Variants in CTNNA2 observed in about 807,000 individuals in gnomAD.
CTNNA2 encodes catenin alpha-2.
A neutral mutation model predicts 101.0 loss-of-function variants in CTNNA2; 42 were observed. The observed-to-expected ratio is 0.42, with a 90% CI of 0.32 to 0.54. The LOEUF (loss-of-function observed/expected upper bound fraction) is 0.54, where lower values mean the gene tolerates loss of function less well. Ranked by LOEUF, CTNNA2 falls within the 20% of genes least tolerant of loss-of-function variation. CTNNA2 has a pLI of 0.14. For missense variants in CTNNA2, 871 were observed against 1,223.1 expected (o/e 0.71, Z 4.29); for synonymous variants, 450 against 456.4 (o/e 0.99, Z 0.18).
intron 1 of CTNNA2, among the ~76,000 whole-genome samples, chr2:79,624,882 G>C (rs2104312933): frequency 6.6e-6 from 1 of 152,240 alleles, no homozygotes; most frequent in East Asian, 1.9e-4. Flanking sequence ...CTGGGCATGG[G>C]CTCAGCAATG....
At chr2:80,589,027 C>T (rs1008535088) in intron 14 of CTNNA2, among the ~76,000 whole-genome samples, 5 of 152,080 alleles carry the variant, frequency 3.3e-5, no homozygotes, top group African/African-American at 1.2e-4. Context: ...AAACATATGC[C>T]ATCAAAGCGG....
intron 1 of CTNNA2, among the ~76,000 whole-genome samples, chr2:79,625,456 T>C (rs1168608153): frequency 6.6e-6 from 1 of 152,146 alleles, no homozygotes; most frequent in Non-Finnish European, 1.5e-5. Flanking sequence ...TAGAATATAA[T>C]AGAAAAGGGC....
rs1310576716 is a variant in CTNNA2, at chr2:80,079,482, G to A, written c.1056+169685G>A. On this transcript the variant is annotated intron_variant, in intron 7 of 18. Transcript: ENST00000402739. ...GGAATACCAAGAAGAAAGAGAGATA[G>A]CCCTGCCTCTAGGAGCTCCAGGACA... Among the ~76,000 whole-genome samples the A allele has an allele frequency of 3.9e-5, 6 of 152,198 alleles. No homozygotes were observed. The South Asian group carries it at 1.2e-3, about 32-fold the overall frequency.
chr2:79,604,320 A>G (rs919536), intron 1 of CTNNA2, among the ~76,000 whole-genome samples: 98,813 of 152,026 alleles, frequency 0.65, 32,976 homozygotes, highest in Non-Finnish European at 0.73. Context: ...AATATATGAA[A>G]TCATGTTTTT....
At chr2:79,573,088 CTCT>C (rs1366790671) in intron 1 of CTNNA2, among the ~76,000 whole-genome samples, 2 of 152,118 alleles carry the variant, frequency 1.3e-5, no homozygotes, top group Non-Finnish European at 2.9e-5. Flanking sequence ...CGCTTATGAA[CTCT>C]TCATTAGCGT....
intron 7 of CTNNA2, among the ~76,000 whole-genome samples, chr2:79,968,722 T>C (rs953612516): frequency 6.6e-6 from 1 of 152,188 alleles, no homozygotes; most frequent in Non-Finnish European, 1.5e-5. Context: ...AAAATACCTG[T>C]TTGACAAAAA....
chr2:79,480,575 A>C (rs1001138659), intron 4 of CTNNA2, among the ~76,000 whole-genome samples: 1 of 152,078 alleles, frequency 6.6e-6, no homozygotes, highest in Non-Finnish European at 1.5e-5. Flanking sequence ...CATCTTCTAC[A>C]TTTGTTATCT....
At position 79,190,700 on chromosome 2, in the gene CTNNA2, C is replaced by T. The variant is rs535102875; in HGVS notation, c.-524+5269C>T. On this transcript the variant is annotated intron_variant, in intron 1 of 21. Coordinates refer to the CTNNA2 transcript ENST00000466387. ...GGAAAATGATGGCTTGACGGGGCAC[C>T]AGTGAGAGGACACAGAGAGCTACCG... Among the ~76,000 whole-genome samples the T allele has an allele frequency of 5.6e-4, 85 of 152,218 alleles. 1 individual carries two copies. Among genetic ancestry groups the T allele is most frequent in the African/African-American group, 2.0e-3 (83 of 41,548 alleles).
In CTNNA2 at chr2:79,312,008, C is replaced by T. The variant is rs532071223; in HGVS notation, c.-405-701C>T. 5.3e-5 allele frequency among the ~76,000 whole-genome samples: 8 copies of T among 152,040 alleles called. No individual in the cohort carries two copies. The South Asian group carries it at 1.0e-3, about 20-fold the overall frequency. The stretch of plus-strand genomic sequence containing the variant: ...ACCTTGAATTCCTGCTCAACAGATC[C>T]TTCTGCTTTTCAGCCTCTTGAGTAG... On this transcript the variant is annotated intron_variant, in intron 2 of 21. Coordinates refer to the CTNNA2 transcript ENST00000466387.
At chr2:80,222,182 G>A (rs1190978371) in intron 7 of CTNNA2, among the ~76,000 whole-genome samples, 1 of 152,082 alleles carries the variant, frequency 6.6e-6, no homozygotes, top group East Asian at 1.9e-4. Flanking sequence ...TAGAAAATCA[G>A]CCATAGGCCC....
intron 9 of CTNNA2, among the ~76,000 whole-genome samples, chr2:80,465,449 A>T (rs571845909): frequency 1.3e-5 from 2 of 152,322 alleles, no homozygotes; most frequent in African/African-American, 4.8e-5. Context: ...ACAACAACGT[A>T]AATTACTGCA....
chr2:79,357,158 C>T (rs55781633), intron 3 of CTNNA2, among the ~76,000 whole-genome samples: 20,279 of 152,058 alleles, frequency 0.13, 1,486 homozygotes, highest in Middle Eastern at 0.21. Flanking sequence ...AAGGCCTCAT[C>T]TGTATACAAA....
intron 7 of CTNNA2, among the ~76,000 whole-genome samples, chr2:80,368,342 A>C (rs1675125037): frequency 6.6e-6 from 1 of 152,156 alleles, no homozygotes; most frequent in Admixed American, 6.6e-5. Context: ...TTAGCTAGTT[A>C]GATTTTAAAT....
intron 9 of CTNNA2, among the ~76,000 whole-genome samples, chr2:80,495,466 C>T (rs1687376607): frequency 6.6e-6 from 1 of 152,096 alleles, no homozygotes; most frequent in South Asian, 2.1e-4. Flanking sequence ...TGAATCTTTA[C>T]CTCCCCCAAC....
At chr2:80,255,629 C>A (rs1009464775) in intron 7 of CTNNA2, among the ~76,000 whole-genome samples, 1 of 152,104 alleles carries the variant, frequency 6.6e-6, no homozygotes, top group Non-Finnish European at 1.5e-5. Context: ...TCTCTCCTAC[C>A]GCAACTTTGT....
At chr2:80,399,502 G>A (rs938259883) in intron 8 of CTNNA2, among the ~76,000 whole-genome samples, 1 of 152,140 alleles carries the variant, frequency 6.6e-6, no homozygotes, top group Non-Finnish European at 1.5e-5. Context: ...GATCAACATT[G>A]TTTCATCAAA....
chr2:80,487,986 G>A (rs1211780857), intron 9 of CTNNA2, among the ~76,000 whole-genome samples: 1 of 152,162 alleles, frequency 6.6e-6, no homozygotes, highest in Non-Finnish European at 1.5e-5. Context: ...TAAATTTGTA[G>A]ATCTTTTTAT....
At chr2:79,191,438 T>A (rs562691372) in intron 1 of CTNNA2, among the ~76,000 whole-genome samples, 1 of 152,304 alleles carries the variant, frequency 6.6e-6, no homozygotes, top group Non-Finnish European at 1.5e-5. Flanking sequence ...TCAACTTTGT[T>A]ATTAATCTTA....
At chr2:80,411,982 A>G (rs934617700) in intron 8 of CTNNA2, among the ~76,000 whole-genome samples, 8 of 152,096 alleles carry the variant, frequency 5.3e-5, no homozygotes, top group African/African-American at 7.2e-5. Flanking sequence ...TGTCTTTTGC[A>G]TATACTCTCC....
Sources: allele counts gnomAD v4.1 joint callset (sites outside exome capture counted in the v4.1 genomes callset), GRCh38; gene constraint gnomAD v4.1.1; transcripts MANE v1.5; gene names NCBI Gene and HGNC (gene_info 2026-07-23, HGNC 2026-07-21).